Variants in PTGIR observed in about 807,000 individuals in gnomAD.
The protein encoded by PTGIR is prostaglandin I2 receptor.
A neutral mutation model predicts 17.6 loss-of-function variants in PTGIR; 16 were observed. The ratio of observed to expected loss-of-function variants is 0.91; its 90% confidence interval spans 0.61 to 1.38. The LOEUF (loss-of-function observed/expected upper bound fraction) is 1.38. PTGIR is among the 40% of genes most tolerant of loss of function. The probability of loss-of-function intolerance (pLI) is 0.00; values close to 1 mark genes in which losing one functional copy is unlikely to be tolerated. For missense variants in PTGIR, 532 were observed against 548.6 expected (o/e 0.97, Z 0.30); for synonymous variants, 274 against 255.4 (o/e 1.07, Z -0.69).
At chr19:46,616,242 G>C (rs959237522), downstream of PTGIR, among the ~76,000 whole-genome samples, 4 of 146,556 alleles carry the variant, frequency 2.7e-5, no homozygotes, top group Admixed American at 2.0e-4. Flanking sequence ...TCAAGGTAAT[G>C]TATGTTGAGT....
chr19:46,614,427 G>C, the PTGIR span: 2 of 985,342 alleles, frequency 2.0e-6, no homozygotes, highest in Non-Finnish European at 2.4e-6. Context: ...TAGGGAGATG[G>C]GAATGAATAA....
downstream of PTGIR, among the ~76,000 whole-genome samples, chr19:46,619,047 G>A (rs751876040): frequency 3.3e-5 from 5 of 152,182 alleles, no homozygotes; most frequent in Non-Finnish European, 7.3e-5. Flanking sequence ...AATCCCCAAA[G>A]CCGCCATGCA....
At chr19:46,619,551 GA>G (rs1568675538), downstream of PTGIR, among the ~76,000 whole-genome samples, 45 of 66,602 alleles carry the variant, frequency 6.8e-4, 1 homozygote, top group Admixed American at 2.9e-3. Flanking sequence ...GAAAGAAAGA[GA>G]GAGAGAGAGA....
chr19:46,614,218 G>A, the PTGIR span, among the ~76,000 whole-genome samples: 1 of 152,116 alleles, frequency 6.6e-6, no homozygotes, highest in Non-Finnish European at 1.5e-5. Flanking sequence ...GGGCCGCCTG[G>A]GATCCTCGGG....
At chr19:46,611,052 GAGGC>G in the PTGIR span, among the ~76,000 whole-genome samples, 2 of 152,234 alleles carry the variant, frequency 1.3e-5, no homozygotes, top group Non-Finnish European at 2.9e-5. Flanking sequence ...AGGCTCCTCT[GAGGC>G]AGGCCCATCA....
At chr19:46,620,010 G>A (rs114938584), downstream of PTGIR, among the ~76,000 whole-genome samples, 200 of 152,360 alleles carry the variant, frequency 1.3e-3, 1 homozygote, top group African/African-American at 4.5e-3. Flanking sequence ...GTGGATGGCA[G>A]GCTGGAAATC....
rs113952362 is a variant in PTGIR, at chr19:46,620,611, A to AC, written c.*668dup. ...CTCCATCTGTCTCCCCACCACCTGCACCCCCCCAGTTCTCATCTTGCAGCC... is the reference window on the plus strand; with the variant it reads ...CTCCATCTGTCTCCCCACCACCTGCACCCCCCCCAGTTCTCATCTTGCAGCC... On this transcript the variant is annotated 3_prime_UTR_variant, in exon 3 of 3. Coordinates refer to ENST00000291294, the MANE Select transcript of PTGIR (RefSeq NM_000960.4). 228,831 of 983,604 alleles carry AC rather than the reference A, an allele frequency of 0.23. 26,824 individuals are homozygous for AC. Among genetic ancestry groups the AC allele is most frequent in the Non-Finnish European group, 0.24 (200,719 of 829,468 alleles). The allele number at this position is 983,604 out of a possible 1,614,324, so 60.9% of individuals were successfully genotyped here. A position where few individuals can be genotyped will look rare whatever the true frequency, so the allele number is the denominator to read the frequency against.
chr19:46,617,408 G>A (rs1433348268), downstream of PTGIR, among the ~76,000 whole-genome samples: 1 of 152,106 alleles, frequency 6.6e-6, no homozygotes, highest in East Asian at 1.9e-4. Flanking sequence ...CTGTTAGACA[G>A]TGTAGACACC....
chr19:46,611,844 C>T, the PTGIR span, among the ~76,000 whole-genome samples: 124 of 152,366 alleles, frequency 8.1e-4, no homozygotes, highest in African/African-American at 2.9e-3. Flanking sequence ...TTGTCTTTAA[C>T]TTCTGAGCTT....
chr19:46,622,426 C>T (rs1412684147), intron 2 of PTGIR: 1 of 980,196 alleles, frequency 1.0e-6, no homozygotes, highest in Admixed American at 6.2e-5. Context: ...GGTTTCCTGC[C>T]AAATACTGTG....
At chr19:46,616,948 A>G (rs915987570), downstream of PTGIR, among the ~76,000 whole-genome samples, 1 of 152,274 alleles carries the variant, frequency 6.6e-6, no homozygotes, top group South Asian at 2.1e-4. Flanking sequence ...GTGCAGCCGA[A>G]AAAGTTCTGA....
At chr19:46,618,107 C>T (rs1277850012), downstream of PTGIR, among the ~76,000 whole-genome samples, 2 of 151,268 alleles carry the variant, frequency 1.3e-5, no homozygotes, top group Non-Finnish European at 1.5e-5. Context: ...CTCTGCCTCC[C>T]GGGTTCACAC....
At chr19:46,619,658 G>GAAAAGA (rs201773908), downstream of PTGIR, among the ~76,000 whole-genome samples, 33 of 114,476 alleles carry the variant, frequency 2.9e-4, no homozygotes, top group African/African-American at 1.0e-3. Flanking sequence ...AGAAAGAAAA[G>GAAAAGA]AAAGAAAGAA....
the PTGIR span, among the ~76,000 whole-genome samples, chr19:46,615,113 C>T: frequency 2.6e-5 from 4 of 152,038 alleles, no homozygotes; most frequent in African/African-American, 9.7e-5. Flanking sequence ...TGCTTGAACC[C>T]GGGAGGTGGA....
chr19:46,621,897 G>A lies in PTGIR; in HGVS notation c.769-225C>T. The A allele has an allele frequency of 7.5e-7, 1 of 1,332,018 alleles. No homozygotes were observed. The highest frequency in any genetic ancestry group is 9.6e-7 in the Non-Finnish European group (1 of 1,043,990). The allele number at this position is 1,332,018 out of a possible 1,614,324, so 82.5% of individuals were successfully genotyped here. On this transcript the variant is annotated intron_variant, in intron 2 of 2. Coordinates refer to ENST00000291294, the MANE Select transcript of PTGIR (RefSeq NM_000960.4). The surrounding 1 kb of genome is among the most constrained non-coding windows in gnomAD (Gnocchi z 4.8). ...GGGGAGAGGGATGGGGGCCAGGTATGTGGGTCCCCCCACCCTTGGAAGCTG... is the reference window on the plus strand; with the variant it reads ...GGGGAGAGGGATGGGGGCCAGGTATATGGGTCCCCCCACCCTTGGAAGCTG...
At position 46,621,199 on chromosome 19, in the gene PTGIR, C is replaced by T. The variant is rs546717509; in HGVS notation, c.*81G>A. On this transcript the variant is annotated 3_prime_UTR_variant, in exon 3 of 3. Coordinates refer to ENST00000291294, the MANE Select transcript of PTGIR (RefSeq NM_000960.4). The surrounding 1 kb of genome is among the most constrained non-coding windows in gnomAD (Gnocchi z 4.8). ...GTTTGGGGGCCAAGGTTCCAGCATC[C>T]GCAGCCATCAGCCATGTCCCTGATT... 1.4e-5 allele frequency: 20 copies of T among 1,439,446 alleles called. No homozygotes were observed. Among genetic ancestry groups the T allele is most frequent in the Middle Eastern group, 3.9e-4 (2 of 5,152 alleles). The allele number at this position is 1,439,446 out of a possible 1,614,324, so 89.2% of individuals were successfully genotyped here. A position where few individuals can be genotyped will look rare whatever the true frequency, so the allele number is the denominator to read the frequency against.
In PTGIR at chr19:46,623,830, C is replaced by A; in HGVS notation, c.396G>T (p.Gly132=). The change falls in exon 2 of 3, where the codon GGG becomes GGT. Residue 132 remains glycine, a synonymous_variant. Coordinates refer to ENST00000291294, the MANE Select transcript of PTGIR (RefSeq NM_000960.4). ...SHPYLYAQLD[G]PRCARLALPA... ...GCAGCGCCAGGCGGGCGCAGCGGGG[C>A]CCGTCCAGCTGCGCGTAGAGGTAGG... The A allele has an allele frequency of 6.2e-7, 1 of 1,606,812 alleles. No homozygotes were observed. Among genetic ancestry groups the A allele is most frequent in the Non-Finnish European group, 8.5e-7 (1 of 1,178,178 alleles).
chr19:46,619,557 G>A (rs868131104), downstream of PTGIR, among the ~76,000 whole-genome samples: 4,264 of 77,416 alleles, frequency 0.055, 77 homozygotes, highest in East Asian at 0.1. Flanking sequence ...AAGAGAGAGA[G>A]AGAGAGAGAG....
the PTGIR span, among the ~76,000 whole-genome samples, chr19:46,613,093 G>T: frequency 0.98 from 137,727 of 140,704 alleles, 67,418 homozygotes; most frequent in East Asian, 1. Context: ...TCCCAGGCTG[G>T]AGTGCAATGG....
Sources: allele counts gnomAD v4.1 joint callset (sites outside exome capture counted in the v4.1 genomes callset), GRCh38; gene constraint gnomAD v4.1.1; non-coding constraint Gnocchi (gnomAD v3.1); transcripts MANE v1.5; gene names NCBI Gene and HGNC (gene_info 2026-07-23, HGNC 2026-07-21).